Variants in BTF3L4 observed in about 807,000 individuals in gnomAD.
BTF3L4 encodes the protein basic transcription factor 3 like 4, also known as transcription factor BTF3 homolog 4.
Under a neutral mutation model 16.8 loss-of-function variants are expected in BTF3L4, and 6 were observed. That is an observed-to-expected ratio of 0.36 (90% CI 0.20 to 0.71). The LOEUF (loss-of-function observed/expected upper bound fraction) is 0.71. BTF3L4 is among the 30% of genes least tolerant of loss of function. The pLI is 0.58. For synonymous variants in BTF3L4, 39 were observed against 59.8 expected (o/e 0.65, Z 1.60); for missense variants, 92 against 186.9 (o/e 0.49, Z 2.96).
chr1:52,069,789 G>A (rs910387000), intron 3 of BTF3L4, among the ~76,000 whole-genome samples: 1 of 152,154 alleles, frequency 6.6e-6, no homozygotes, highest in Non-Finnish European at 1.5e-5. Flanking sequence ...CTTAGGCCAA[G>A]TAAAGTGTTT....
At chr1:52,073,493 TACACAC>T (rs142147737) in intron 3 of BTF3L4, among the ~76,000 whole-genome samples, 2,272 of 139,314 alleles carry the variant, frequency 0.016, 45 homozygotes, top group South Asian at 0.053. Context: ...ATATGCTACA[TACACAC>T]ACACACACAC....
In BTF3L4 at chr1:52,089,102, A is replaced by C. The variant is rs1034543692; in HGVS notation, c.*2344A>C. 1 of 151,938 alleles carries C rather than the reference A, an allele frequency of 6.6e-6. No individual in the cohort carries two copies. Among genetic ancestry groups the C allele is most frequent in the Non-Finnish European group, 1.5e-5 (1 of 67,988 alleles). 9.4% of individuals were successfully genotyped at this position (151,938 alleles called of 1,614,324 possible). A position where few individuals can be genotyped will look rare whatever the true frequency, so the allele number is the denominator to read the frequency against. On this transcript the variant is annotated 3_prime_UTR_variant, in exon 6 of 6. Coordinates refer to ENST00000313334, the MANE Select transcript of BTF3L4 (RefSeq NM_152265.5). ...AATCTAAAGTTTCTTCTGCTTCTGCATTTCTGTGAATCTCATTTGAAATTT... is the reference window on the plus strand; with the variant it reads ...AATCTAAAGTTTCTTCTGCTTCTGCCTTTCTGTGAATCTCATTTGAAATTT...
At chr1:52,059,945 C>T (rs777413405) in intron 2 of BTF3L4, 44 bp downstream of exon 2, 1 of 1,532,850 alleles carries the variant, frequency 6.5e-7, no homozygotes, top group African/African-American at 1.4e-5. Flanking sequence ...TGTATGATTA[C>T]CAGATAGTGT....
intron 3 of BTF3L4, among the ~76,000 whole-genome samples, chr1:52,075,053 G>A (rs974428215): frequency 2.0e-5 from 3 of 150,844 alleles, no homozygotes; most frequent in East Asian, 2.0e-4. Flanking sequence ...CACCACACCC[G>A]GCCAATAATC....
intron 3 of BTF3L4, among the ~76,000 whole-genome samples, chr1:52,069,707 A>T (rs1027545400): frequency 1.2e-4 from 18 of 152,210 alleles, no homozygotes; most frequent in African/African-American, 4.1e-4. Context: ...AACATGAAAA[A>T]GTAGAAAGTG....
chr1:52,074,419 G>A lies in BTF3L4; in HGVS notation c.169-8921G>A, dbSNP rs180855330. Among the ~76,000 whole-genome samples, 18 of 151,260 alleles carry A rather than the reference G, an allele frequency of 1.2e-4. 1 individual carries two copies. The South Asian group carries it at 1.7e-3, about 14-fold the overall frequency. ...ACTCTTATTGCCTAGGCTGGAGTGCGGTGGGGCAATCTCGGCTCAACACAA... is the reference window on the plus strand; with the variant it reads ...ACTCTTATTGCCTAGGCTGGAGTGCAGTGGGGCAATCTCGGCTCAACACAA... On this transcript the variant is annotated intron_variant, in intron 3 of 5. Coordinates refer to ENST00000313334, the MANE Select transcript of BTF3L4 (RefSeq NM_152265.5).
chr1:52,084,960 T>C (rs542468729), intron 4 of BTF3L4, among the ~76,000 whole-genome samples: 31 of 150,280 alleles, frequency 2.1e-4, no homozygotes, highest in Middle Eastern at 3.4e-3. Context: ...AGTATTGTAG[T>C]GCCCATACTA....
intron 2 of BTF3L4, among the ~76,000 whole-genome samples, chr1:52,063,045 G>A (rs1251955190): frequency 6.6e-6 from 1 of 152,166 alleles, no homozygotes; most frequent in Non-Finnish European, 1.5e-5. Flanking sequence ...CTGTGCTGCC[G>A]TGTTCCTAAC....
intron 3 of BTF3L4, among the ~76,000 whole-genome samples, chr1:52,066,292 CAAGAAA>C (rs1166751735): frequency 6.6e-6 from 1 of 151,396 alleles, no homozygotes; most frequent in Non-Finnish European, 1.5e-5. Context: ...CTTCTGGGCT[CAAGAAA>C]TTTCTGCCTC....
chr1:52,064,381 T>A (rs1686593606), intron 2 of BTF3L4, among the ~76,000 whole-genome samples: 1 of 152,242 alleles, frequency 6.6e-6, no homozygotes, highest in Non-Finnish European at 1.5e-5. Context: ...TTCCTCCTAC[T>A]GTAATGTAGA....
chr1:52,082,754 A>T (rs78647025), intron 3 of BTF3L4, among the ~76,000 whole-genome samples: 237 of 143,400 alleles, frequency 1.7e-3, no homozygotes, highest in African/African-American at 5.9e-3. Context: ...AAAAAAAAAA[A>T]TTAGAAGAAC....
At chr1:52,081,577 C>T (rs772544679) in intron 3 of BTF3L4, among the ~76,000 whole-genome samples, 3 of 152,160 alleles carry the variant, frequency 2.0e-5, no homozygotes, top group Admixed American at 6.5e-5. Flanking sequence ...TTCTCGAGCC[C>T]AGATTTCACC....
intron 3 of BTF3L4, among the ~76,000 whole-genome samples, chr1:52,076,482 C>A (rs1278237280): frequency 6.6e-6 from 1 of 150,618 alleles, no homozygotes; most frequent in Non-Finnish European, 1.5e-5. Context: ...GAGGCTGAGG[C>A]AGGAGAATCG....
At chr1:52,063,330 G>A (rs1361870776) in intron 2 of BTF3L4, among the ~76,000 whole-genome samples, 1 of 152,136 alleles carries the variant, frequency 6.6e-6, no homozygotes, top group Non-Finnish European at 1.5e-5. Context: ...AGGATCATTC[G>A]AGTTGAACAA....
At chr1:52,058,894 C>T (rs532121988) in intron 1 of BTF3L4, among the ~76,000 whole-genome samples, 3 of 152,168 alleles carry the variant, frequency 2.0e-5, no homozygotes, top group South Asian at 2.1e-4. Context: ...GCCACCGTGC[C>T]GGGCCTGAAT....
chr1:52,084,422 G>T (rs557321377), intron 4 of BTF3L4, among the ~76,000 whole-genome samples: 61 of 152,062 alleles, frequency 4.0e-4, no homozygotes, highest in Non-Finnish European at 7.6e-4. Flanking sequence ...AGGATTACAG[G>T]CGTGAGCTAC....
At chr1:52,086,558 AAAT>A (rs1384764498) in intron 5 of BTF3L4, 151 bp from the exon 6 acceptor site, 14 of 537,040 alleles carry the variant, frequency 2.6e-5, no homozygotes, top group Non-Finnish European at 3.3e-5. Flanking sequence ...ATTGTTAGTA[AAAT>A]GCCACCAGTT....
At position 52,089,491 on chromosome 1, in the gene BTF3L4, G is replaced by C. The variant is rs995395779; in HGVS notation, c.*2733G>C. 10 of 152,070 alleles carry C rather than the reference G, an allele frequency of 6.6e-5. No individual in the cohort carries two copies. Among genetic ancestry groups the C allele is most frequent in the Non-Finnish European group, 1.3e-4 (9 of 67,988 alleles). 9.4% of individuals were successfully genotyped at this position (152,070 alleles called of 1,614,324 possible). A position where few individuals can be genotyped will look rare whatever the true frequency, so the allele number is the denominator to read the frequency against. ...AACTTTTGTAAATTGTAGTGTTCTT[G>C]GCATAAATATGAATTAAATCTTTTT... On this transcript the variant is annotated 3_prime_UTR_variant, in exon 6 of 6. Coordinates refer to ENST00000313334, the MANE Select transcript of BTF3L4 (RefSeq NM_152265.5).
chr1:52,074,869 C>G (rs912197118), intron 3 of BTF3L4, among the ~76,000 whole-genome samples: 6 of 151,726 alleles, frequency 4.0e-5, no homozygotes, highest in Non-Finnish European at 5.9e-5. Context: ...TATTTTGAAA[C>G]AAGGTCTCAC....
Sources: allele counts gnomAD v4.1 joint callset (sites outside exome capture counted in the v4.1 genomes callset), GRCh38; gene constraint gnomAD v4.1.1; transcripts MANE v1.5; gene names NCBI Gene and HGNC (gene_info 2026-07-23, HGNC 2026-07-21).